The following GTF2H3 variants were observed in gnomAD, a reference collection of about 807,000 sequenced individuals.
The protein encoded by GTF2H3 is general transcription factor IIH subunit 3, also known as TFIIH basal transcription factor complex p34 subunit.
In GTF2H3, 42 loss-of-function variants were observed where a neutral mutation model predicts 51.1. The observed-to-expected ratio is 0.82, with a 90% confidence interval of 0.64 to 1.06. The LOEUF is 1.06. GTF2H3 is among the 50% of genes least tolerant of loss of function. The pLI, the probability that GTF2H3 is intolerant of heterozygous loss-of-function variation, is 0.00. For synonymous variants in GTF2H3, 123 were observed against 123.8 expected, an observed-to-expected ratio of 0.99 and a Z score of 0.04; for missense variants, 326 against 366.1, an observed-to-expected ratio of 0.89 and a Z score of 0.89.
At chr12:123,637,922 C>G (rs984871067) in intron 1 of GTF2H3, among the ~76,000 whole-genome samples, 1 of 152,206 alleles carries the variant, frequency 6.6e-6, no homozygotes, top group African/African-American at 2.4e-5. Context: ...CACTGGGATT[C>G]CTACTACTAG....
At chr12:123,641,553 T>A (rs77956837) in intron 2 of GTF2H3, among the ~76,000 whole-genome samples, 1 of 150,812 alleles carries the variant, frequency 6.6e-6, no homozygotes, top group African/African-American at 2.5e-5. Flanking sequence ...GTTTTTTTTT[T>A]GAGACAGAGT....
chr12:123,638,057 G>A (rs932201284), intron 1 of GTF2H3, among the ~76,000 whole-genome samples: 1 of 152,022 alleles, frequency 6.6e-6, no homozygotes, highest in African/African-American at 2.4e-5. Context: ...GAGTGCATTG[G>A]CAGGAACATG....
intron 9 of GTF2H3, among the ~76,000 whole-genome samples, chr12:123,657,842 G>C (rs1442189061): frequency 6.6e-6 from 1 of 152,184 alleles, no homozygotes; most frequent in Non-Finnish European, 1.5e-5. Context: ...ATCGGAGCTA[G>C]GGTTTTCAGT....
chr12:123,656,190 G>A (rs1365338465), intron 9 of GTF2H3: 1 of 175,574 alleles, frequency 5.7e-6, no homozygotes, highest in Non-Finnish European at 1.2e-5. Context: ...GACAAACCCT[G>A]AATTTAGGTT....
chr12:123,633,899 G>C, intron 1 of GTF2H3, 27 bp downstream of exon 1: 1 of 1,612,454 alleles, frequency 6.2e-7, no homozygotes, highest in East Asian at 2.2e-5. Flanking sequence ...GCGGGACTTC[G>C]ACTCCGGGGC....
chr12:123,648,197 A>G (rs1461486370), intron 4 of GTF2H3, 71 bp downstream of exon 4: 1 of 1,004,306 alleles, frequency 1.0e-6, no homozygotes, highest in South Asian at 1.6e-5. Context: ...TTTAAGTTCA[A>G]AGATGTGAGG....
chr12:123,644,614 C>T (rs11572949), intron 2 of GTF2H3, among the ~76,000 whole-genome samples: 11,227 of 151,162 alleles, frequency 0.074, 585 homozygotes, highest in African/African-American at 0.14. Context: ...TGCAGTGAGC[C>T]GAGATCAGGC....
At chr12:123,645,044 G>A (rs1955427513) in intron 2 of GTF2H3, among the ~76,000 whole-genome samples, 1 of 152,178 alleles carries the variant, frequency 6.6e-6, no homozygotes, top group Non-Finnish European at 1.5e-5. Context: ...TTTTAACAGT[G>A]AATAATTGTC....
chr12:123,633,836 C>T lies in GTF2H3; in HGVS notation c.-24C>T, dbSNP rs371062007. The T allele has an allele frequency of 1.0e-4, 167 of 1,612,492 alleles. No homozygotes were observed. Among genetic ancestry groups the T allele is most frequent in the Middle Eastern group, 3.3e-4 (2 of 6,076 alleles). Reference sequence around the variant, plus strand: ...GACGCTCCCCTGACCACCACTTGCTCTGCGCTGAGGTGCTGGGACAGCCAT... The same window carrying T: ...GACGCTCCCCTGACCACCACTTGCTTTGCGCTGAGGTGCTGGGACAGCCAT... On this transcript the variant is annotated 5_prime_UTR_variant, in exon 1 of 13. Coordinates refer to ENST00000543341, the MANE Select transcript of GTF2H3 (RefSeq NM_001516.5).
intron 1 of GTF2H3, among the ~76,000 whole-genome samples, chr12:123,634,427 C>T (rs1336824561): frequency 2.0e-5 from 3 of 152,134 alleles, no homozygotes; most frequent in Non-Finnish European, 4.4e-5. Context: ...GCCGACAGGG[C>T]ATGACCTCGT....
At chr12:123,658,305 A>G (rs1013591881) in intron 9 of GTF2H3, among the ~76,000 whole-genome samples, 1 of 146,918 alleles carries the variant, frequency 6.8e-6, no homozygotes, top group African/African-American at 2.5e-5. Flanking sequence ...TGAAACCCCA[A>G]CTCCTGGGTT....
intron 7 of GTF2H3, among the ~76,000 whole-genome samples, chr12:123,653,853 T>C (rs1293159475): frequency 6.6e-6 from 1 of 152,156 alleles, no homozygotes; most frequent in Non-Finnish European, 1.5e-5. Flanking sequence ...TCATATACTT[T>C]AGTAATCACT....
At chr12:123,634,130 T>C (rs991288721) in intron 1 of GTF2H3, among the ~76,000 whole-genome samples, 1 of 152,060 alleles carries the variant, frequency 6.6e-6, no homozygotes, top group Non-Finnish European at 1.5e-5. Context: ...GTGAAACAGA[T>C]GACAATAAAT....
intron 9 of GTF2H3, 195 bp downstream of exon 9, chr12:123,656,019 T>G: frequency 2.2e-6 from 1 of 457,636 alleles, no homozygotes; most frequent in East Asian, 3.3e-5. Flanking sequence ...TTGCGTTATA[T>G]TTCCGTTGGG....
At chr12:123,643,244 G>A (rs1049682497) in intron 2 of GTF2H3, among the ~76,000 whole-genome samples, 5 of 152,200 alleles carry the variant, frequency 3.3e-5, no homozygotes, top group Non-Finnish European at 4.4e-5. Flanking sequence ...TAGGCATTCT[G>A]TGAGAATCCA....
chr12:123,646,812 T>G (rs1010040991), intron 3 of GTF2H3, among the ~76,000 whole-genome samples: 3 of 151,742 alleles, frequency 2.0e-5, no homozygotes, highest in African/African-American at 7.3e-5. Flanking sequence ...AAAGTTTTTT[T>G]TTTTTTTTTT....
In GTF2H3 at chr12:123,656,636, G is replaced by C. The variant is rs987964221; in HGVS notation, c.615+812G>C. Among the ~76,000 whole-genome samples, 3 of 152,258 alleles carry C rather than the reference G, an allele frequency of 2.0e-5. No individual in the cohort carries two copies. In the South Asian group the frequency reaches 6.2e-4, roughly 32 times the overall value. ...CATGTGTCAAAAGCAGAGAGCTCTT[G>C]GTTTGTCCTCTCAGCCTCTTCCTGC... On this transcript the variant is annotated intron_variant, in intron 9 of 12. Coordinates refer to ENST00000543341, the MANE Select transcript of GTF2H3 (RefSeq NM_001516.5).
intron 2 of GTF2H3, among the ~76,000 whole-genome samples, chr12:123,643,690 T>G (rs1197853809): frequency 6.6e-6 from 1 of 152,238 alleles, no homozygotes; most frequent in African/African-American, 2.4e-5. Context: ...TATTAAAGGA[T>G]TAACCCATTA....
chr12:123,644,760 C>T (rs903912028), intron 2 of GTF2H3, among the ~76,000 whole-genome samples: 4 of 152,082 alleles, frequency 2.6e-5, no homozygotes, highest in African/African-American at 9.7e-5. Flanking sequence ...ACAGTAGTGG[C>T]TCAGTATAGT....
Sources: gnomAD v4.1 joint callset for allele counts (sites outside exome capture counted in the v4.1 genomes callset) on GRCh38, gnomAD v4.1.1 for gene constraint, MANE v1.5 for transcripts, NCBI Gene and HGNC (gene_info 2026-07-23, HGNC 2026-07-21) for gene names.